LIMS2: variants seen among roughly 807,000 people sequenced by gnomAD.
The protein encoded by LIMS2 is LIM zinc finger domain containing 2, also known as LIM and senescent cell antigen-like-containing domain protein 2.
A neutral mutation model predicts 45.3 loss-of-function variants in LIMS2; 30 were observed. The ratio of observed to expected loss-of-function variants is 0.66; its 90% CI spans 0.50 to 0.90. LIMS2 has a LOEUF of 0.90. LIMS2 is among the 40% of genes least tolerant of loss of function. The pLI is 0.00. For synonymous variants in LIMS2, 173 were observed against 188.0 expected (o/e 0.92, Z 0.65); for missense variants, 485 against 468.7 (o/e 1.03, Z -0.32).
At chr2:127,659,393 A>C (rs545342489) in intron 1 of LIMS2, among the ~76,000 whole-genome samples, 4 of 152,210 alleles carry the variant, frequency 2.6e-5, no homozygotes, top group Admixed American at 2.0e-4. Context: ...CTCGGCACCC[A>C]GCGGCTGGTC....
At chr2:127,655,107 G>C in intron 2 of LIMS2, 1 of 628,912 alleles carries the variant, frequency 1.6e-6, no homozygotes, top group Admixed American at 2.4e-5. Context: ...TGCCCCCGTG[G>C]AAGCTGGAGA....
intron 1 of LIMS2, among the ~76,000 whole-genome samples, chr2:127,660,875 A>G (rs1684595106): frequency 7.7e-6 from 1 of 130,654 alleles, no homozygotes; most frequent in Non-Finnish European, 1.5e-5. Flanking sequence ...ATCCAGGGAG[A>G]TCATTGCTGC....
At position 127,647,288 on chromosome 2, in the gene LIMS2, C is replaced by T. The variant is rs1683095788; in HGVS notation, c.360-4216G>A. On this transcript the variant is annotated intron_variant, in intron 4 of 9. Transcript: ENST00000355119. The surrounding 1 kb of genome is among the most constrained non-coding windows in gnomAD (Gnocchi z 4.3). The stretch of plus-strand genomic sequence containing the variant: ...CTGGGAGACAACTCCATGGCAAACT[C>T]TGAGACTGAGTCACACTCCCCACCC... 6.6e-6 allele frequency among the ~76,000 whole-genome samples: 1 copy of T among 152,184 alleles called. No individual in the cohort carries two copies. The highest frequency in any genetic ancestry group is 2.1e-4 in the South Asian group (1 of 4,836).
At chr2:127,651,902 A>G in intron 4 of LIMS2, 1 of 743,652 alleles carries the variant, frequency 1.3e-6, no homozygotes, top group Admixed American at 2.9e-5. Flanking sequence ...GCCTAGTCTC[A>G]ACCCATAAAA....
chr2:127,657,322 C>T, intron 2 of LIMS2, 81 bp downstream of exon 2: 6 of 1,549,820 alleles, frequency 3.9e-6, no homozygotes, highest in Non-Finnish European at 5.3e-6. Flanking sequence ...CAGTCGGGAC[C>T]ACTGCATGGA....
chr2:127,665,505 A>G (rs991630106), intron 1 of LIMS2, among the ~76,000 whole-genome samples: 2 of 152,208 alleles, frequency 1.3e-5, no homozygotes, highest in Non-Finnish European at 2.9e-5. Flanking sequence ...GGTACAGTAT[A>G]ATTTGTAAAT....
intron 4 of LIMS2, among the ~76,000 whole-genome samples, chr2:127,645,126 A>T (rs991636185): frequency 6.6e-6 from 1 of 152,154 alleles, no homozygotes; most frequent in Admixed American, 6.5e-5. Context: ...TTGGGTTCAA[A>T]TCCTGGCTCT....
chr2:127,639,868 G>A (rs1214026738), intron 9 of LIMS2, among the ~76,000 whole-genome samples: 1 of 152,112 alleles, frequency 6.6e-6, no homozygotes, highest in Non-Finnish European at 1.5e-5. Context: ...CTCTCACTGT[G>A]CCTGGGGTCC....
intron 7 of LIMS2, 113 bp from the exon 8 acceptor site, chr2:127,640,431 C>T: frequency 8.4e-7 from 1 of 1,187,790 alleles, no homozygotes; most frequent in Non-Finnish European, 1.2e-6. Context: ...TCTCCCAGGC[C>T]CTGCCTCCCA....
At chr2:127,650,971 C>T (rs543677636) in intron 4 of LIMS2, 53 of 1,613,712 alleles carry the variant, frequency 3.3e-5, no homozygotes, top group Non-Finnish European at 3.6e-5. Context: ...GCCGACTTGT[C>T]GTGCGTGCTG....
At chr2:127,659,858 C>G (rs1684496468) in intron 1 of LIMS2, among the ~76,000 whole-genome samples, 1 of 152,234 alleles carries the variant, frequency 6.6e-6, no homozygotes, top group Non-Finnish European at 1.5e-5. Context: ...CCTGCACCCA[C>G]ACGCCTGCCC....
In LIMS2 at chr2:127,640,916, AG is replaced by A. The variant is rs1682341858; in HGVS notation, c.732del (p.Cys245AlafsTer19). The A allele has an allele frequency of 6.2e-7, 1 of 1,613,740 alleles. No homozygotes were observed. The highest frequency in any genetic ancestry group is 1.3e-5 in the African/African-American group (1 of 74,912). On this transcript the variant is annotated frameshift_variant, in exon 7 of 10. Transcript: ENST00000355119. LOFTEE classifies it high-confidence loss of function. The stretch of plus-strand genomic sequence containing the variant: ...CTCACCTGGTTGTAGTGAGTCTCGC[AG>A]TAGGCCAGGCCCTTCTTCTCATAGT... ...HRHYEKKGLA[Y>X]CETHYNQLFG...
chr2:127,656,426 T>G (rs1684258503), intron 2 of LIMS2, among the ~76,000 whole-genome samples: 1 of 150,230 alleles, frequency 6.7e-6, no homozygotes, highest in Admixed American at 6.6e-5. Context: ...TTTTTTTTTT[T>G]TTTTTTAGAT....
At chr2:127,657,676 G>C in intron 1 of LIMS2, 114 bp from the exon 2 acceptor site, 7 of 1,161,490 alleles carry the variant, frequency 6.0e-6, no homozygotes, top group Non-Finnish European at 8.4e-6. Context: ...AAGACGCTCT[G>C]CAGGATCAGG....
rs538293522 is a variant in LIMS2, at chr2:127,641,838, C to T, written c.660+211G>A. The T allele has an allele frequency of 6.1e-4, 323 of 533,064 alleles. 1 individual carries two copies. Among genetic ancestry groups the T allele is most frequent in the African/African-American group, 4.6e-3 (238 of 51,270 alleles). The allele number at this position is 533,064 out of a possible 1,614,324, so 33.0% of individuals were successfully genotyped here. On this transcript the variant is annotated intron_variant, in intron 6 of 9. Transcript: ENST00000355119. ...GGAGAGGTGGGCACAGCTACCCAAC[C>T]GTGTGTGTGCACTCGGGTCTCCTGG...
At chr2:127,651,619 T>C (rs752560356) in intron 4 of LIMS2, 4 of 1,613,548 alleles carry the variant, frequency 2.5e-6, no homozygotes, top group Non-Finnish European at 2.5e-6. Flanking sequence ...CTCGACCCCA[T>C]CATGTATTTC....
chr2:127,656,106 G>A (rs1041897553), intron 2 of LIMS2: 2 of 152,190 alleles, frequency 1.3e-5, no homozygotes, highest in South Asian at 2.1e-4. Context: ...ATAGTAAAGT[G>A]GAACAAAATA....
At chr2:127,660,492 C>G (rs192097236) in intron 1 of LIMS2, among the ~76,000 whole-genome samples, 6 of 152,108 alleles carry the variant, frequency 3.9e-5, no homozygotes, top group Non-Finnish European at 7.4e-5. Flanking sequence ...GGAATCGTTT[C>G]GAGGAACAGA....
At chr2:127,658,564 C>T (rs1684413699) in intron 1 of LIMS2, among the ~76,000 whole-genome samples, 1 of 152,146 alleles carries the variant, frequency 6.6e-6, no homozygotes, top group Non-Finnish European at 1.5e-5. Flanking sequence ...TGAGCCAGGC[C>T]CGCAATCAGT....
Sources: gnomAD v4.1 joint callset for allele counts (sites outside exome capture counted in the v4.1 genomes callset) on GRCh38, gnomAD v4.1.1 for gene constraint, Gnocchi (gnomAD v3.1) non-coding constraint, MANE v1.5 for transcripts, NCBI Gene and HGNC (gene_info 2026-07-23, HGNC 2026-07-21) for gene names.